ANKRD12: variants seen among roughly 807,000 people sequenced by gnomAD.
ANKRD12 encodes the protein ankyrin repeat domain-containing protein 12.
A neutral mutation model predicts 183.4 loss-of-function variants in ANKRD12; 85 were observed. The observed-to-expected ratio is 0.46, with a 90% CI of 0.39 to 0.56. The LOEUF is 0.56. Ranked by LOEUF, ANKRD12 falls within the 20% of genes least tolerant of loss-of-function variation. ANKRD12 has a pLI of 0.00. For missense variants in ANKRD12, 2,405 were observed against 2,357.1 expected (o/e 1.02, Z -0.42); for synonymous variants, 914 against 800.2 (o/e 1.14, Z -2.40).
At chr18:9,219,058 CTG>C (rs1299613850) in intron 7 of ANKRD12, among the ~76,000 whole-genome samples, 1 of 152,118 alleles carries the variant, frequency 6.6e-6, no homozygotes, top group Non-Finnish European at 1.5e-5. Context: ...AATTTATTGA[CTG>C]TTATGTTTTA....
chr18:9,234,410 A>G (rs927610969), intron 8 of ANKRD12, among the ~76,000 whole-genome samples: 2 of 152,118 alleles, frequency 1.3e-5, no homozygotes, highest in Non-Finnish European at 2.9e-5. Context: ...GTCACTTTTC[A>G]CAGCTGTATG....
rs775877613 is a variant in ANKRD12, at chr18:9,262,786, C to CTTTTTTTTTTTTTTTTTTTTTTTT, written c.5665-1004_5665-1003insTTTTTTTTTTTTTTTTTTTTTTTT. Among the ~76,000 whole-genome samples the CTTTTTTTTTTTTTTTTTTTTTTTT allele has an allele frequency of 1.6e-4, 14 of 87,932 alleles. 6 individuals are homozygous for CTTTTTTTTTTTTTTTTTTTTTTTT. The highest frequency in any genetic ancestry group is 6.8e-4 in the Admixed American group (5 of 7,336). 57.7% of individuals were successfully genotyped at this position (87,932 alleles called of 152,430 possible). A position where few individuals can be genotyped will look rare whatever the true frequency, so the allele number is the denominator to read the frequency against. On this transcript the variant is annotated intron_variant, in intron 9 of 12. Coordinates refer to ENST00000262126, the MANE Select transcript of ANKRD12 (RefSeq NM_015208.5). Reference sequence around the variant, plus strand: ...AGCCACCATGCCCAGCCAAGATGTCCCTTTTTTTTTTTTTTTTTTTTTTTT... The same window carrying CTTTTTTTTTTTTTTTTTTTTTTTT: ...AGCCACCATGCCCAGCCAAGATGTCCTTTTTTTTTTTTTTTTTTTTTTTTCTTTTTTTTTTTTTTTTTTTTTTTT...
intron 2 of ANKRD12, among the ~76,000 whole-genome samples, chr18:9,189,399 C>T (rs1018796819): frequency 1.3e-5 from 2 of 152,190 alleles, no homozygotes; most frequent in Non-Finnish European, 2.9e-5. Flanking sequence ...GAAGCTACAG[C>T]AAGTTATCCA....
At chr18:9,196,108 A>AAC (rs36156556) in intron 3 of ANKRD12, among the ~76,000 whole-genome samples, 1,767 of 64,150 alleles carry the variant, frequency 0.028, 38 homozygotes, top group East Asian at 0.061. Flanking sequence ...GAAACATGCA[A>AAC]ACACACACAC....
chr18:9,210,578 C>T (rs1024251882), intron 5 of ANKRD12, among the ~76,000 whole-genome samples: 4 of 151,652 alleles, frequency 2.6e-5, no homozygotes, highest in African/African-American at 7.3e-5. Flanking sequence ...AAAAATCAGC[C>T]GGGCATGGTG....
intron 10 of ANKRD12, among the ~76,000 whole-genome samples, chr18:9,264,181 C>T (rs2039146135): frequency 6.6e-6 from 1 of 152,184 alleles, no homozygotes; most frequent in Non-Finnish European, 1.5e-5. Context: ...GAACATTTGG[C>T]TTTCCAAGTT....
intron 8 of ANKRD12, among the ~76,000 whole-genome samples, chr18:9,241,063 G>C (rs879584902): frequency 1.3e-5 from 2 of 152,110 alleles, no homozygotes; most frequent in African/African-American, 4.8e-5. Flanking sequence ...AAGTCAAAAT[G>C]TACCAGAATT....
intron 3 of ANKRD12, among the ~76,000 whole-genome samples, chr18:9,197,586 C>T (rs928292895): frequency 1.6e-4 from 25 of 151,952 alleles, no homozygotes; most frequent in African/African-American, 5.6e-4. Flanking sequence ...TTGTGTGTTA[C>T]GTTATTTTTT....
chr18:9,255,949 T>A lies in ANKRD12; in HGVS notation c.2682T>A (p.Ile894=), dbSNP rs766096298. 1 of 1,577,350 alleles carries A rather than the reference T, an allele frequency of 6.3e-7. No individual in the cohort carries two copies. Among genetic ancestry groups the A allele is most frequent in the South Asian group, 1.2e-5 (1 of 83,224 alleles). The part of the protein sequence containing the change: ...EGEKSKNTAA[I]KKTDDREKSR... ...AGAAGAGCAAAAATACTGCTGCTAT[T>A]AAAAAAACTGACGACAGAGAGAAAA... Residue 894 remains isoleucine, a synonymous_variant, in exon 9 of 13, where the codon ATT becomes ATA. Coordinates refer to ENST00000262126, the MANE Select transcript of ANKRD12 (RefSeq NM_015208.5).
At chr18:9,271,794 A>T (rs1376202750) in intron 10 of ANKRD12, among the ~76,000 whole-genome samples, 2 of 152,244 alleles carry the variant, frequency 1.3e-5, no homozygotes, top group African/African-American at 4.8e-5. Context: ...TGTGGTTTGT[A>T]GACATATTCA....
At chr18:9,142,048 C>A (rs1008855386) in intron 1 of ANKRD12, among the ~76,000 whole-genome samples, 2 of 152,120 alleles carry the variant, frequency 1.3e-5, no homozygotes, top group Admixed American at 6.5e-5. Context: ...AGGTCTTAGC[C>A]ACCTTACCTT....
chr18:9,255,650 G>T lies in ANKRD12; in HGVS notation c.2383G>T (p.Glu795Ter). 6.3e-7 allele frequency: 1 copy of T among 1,577,766 alleles called. No individual in the cohort carries two copies. Among genetic ancestry groups the T allele is most frequent in the South Asian group, 1.2e-5 (1 of 82,822 alleles). The change falls in exon 9 of 13, where the codon GAA becomes TAA. Residue 795 changes from glutamate to a stop codon, truncating the protein, a stop_gained. Transcript: ENST00000262126. LOFTEE classifies it high-confidence loss of function. ...FTSLGMSAIE[E>*]SIGLHLVEKE... ...TTCTTTGGGTATGAGTGCCATTGAGGAATCTATAGGGCTTCATTTAGTGGA... is the reference window on the plus strand; with the variant it reads ...TTCTTTGGGTATGAGTGCCATTGAGTAATCTATAGGGCTTCATTTAGTGGA...
At chr18:9,270,083 G>A (rs1375143221) in intron 10 of ANKRD12, among the ~76,000 whole-genome samples, 2 of 152,214 alleles carry the variant, frequency 1.3e-5, no homozygotes, top group Admixed American at 1.3e-4. Flanking sequence ...ACACCAGTTA[G>A]AATGGCGATC....
At position 9,254,646 on chromosome 18, in the gene ANKRD12, A is replaced by G. The variant is rs372227176; in HGVS notation, c.1379A>G (p.Tyr460Cys). The G allele has an allele frequency of 3.2e-6, 5 of 1,572,280 alleles. No individual in the cohort carries two copies. Among genetic ancestry groups the G allele is most frequent in the Admixed American group, 1.9e-5 (1 of 52,070 alleles). ...SNSDMQTKKE[Y>C]VVSGEHKQKG... The stretch of plus-strand genomic sequence containing the variant: ...TCTGATATGCAAACCAAAAAGGAAT[A>G]TGTAGTTTCAGGTGAACACAAACAG... Residue 460 changes from tyrosine (Y) to cysteine (C), a missense_variant, in exon 9 of 13, where the codon TAT becomes TGT. Physicochemically the swap from Tyr to Cys is radical, Grantham distance 194. Transcript: ENST00000262126.
At chr18:9,162,359 G>A (rs1366853701) in intron 1 of ANKRD12, among the ~76,000 whole-genome samples, 1 of 152,112 alleles carries the variant, frequency 6.6e-6, no homozygotes, top group African/African-American at 2.4e-5. Flanking sequence ...CTCCATCCAT[G>A]TCTCTGCAAA....
chr18:9,221,912 C>T lies in ANKRD12; in HGVS notation c.856C>T (p.Arg286Cys), dbSNP rs2036442531. 1 of 1,613,750 alleles carries T rather than the reference C, an allele frequency of 6.2e-7. No individual in the cohort carries two copies. The highest frequency in any genetic ancestry group is 8.5e-7 in the Non-Finnish European group (1 of 1,179,836). Residue 286 changes from arginine to cysteine, a missense_variant, in exon 8 of 13, where the codon CGT (arginine) becomes TGT (cysteine). Physicochemically the swap from Arg to Cys is radical, Grantham distance 180 (BLOSUM62 -3). Transcript: ENST00000262126. ...NPFQANKHGE[R>C]PVDVAETEEL... Reference sequence around the variant, plus strand: ...ATTTCAAGCTAATAAACATGGGGAGCGTCCAGTGGATGTAGCAGAAACAGA... The same window carrying T: ...ATTTCAAGCTAATAAACATGGGGAGTGTCCAGTGGATGTAGCAGAAACAGA...
intron 8 of ANKRD12, among the ~76,000 whole-genome samples, chr18:9,247,313 C>CAA (rs1401593209): frequency 2.8e-4 from 33 of 118,512 alleles, no homozygotes; most frequent in African/African-American, 6.8e-4. Context: ...TCATCTCTAC[C>CAA]AAAAAAAAAA....
chr18:9,198,297 G>A (rs1365236797), intron 3 of ANKRD12, among the ~76,000 whole-genome samples: 2 of 151,846 alleles, frequency 1.3e-5, no homozygotes, highest in Admixed American at 1.3e-4. Flanking sequence ...AAATACAAGT[G>A]GTTCAGAACA....
At chr18:9,270,352 T>C (rs1466777501) in intron 10 of ANKRD12, among the ~76,000 whole-genome samples, 1 of 152,102 alleles carries the variant, frequency 6.6e-6, no homozygotes, top group Non-Finnish European at 1.5e-5. Flanking sequence ...AGCAAAGACT[T>C]AGAACCAACC....
Sources: allele counts gnomAD v4.1 joint callset (sites outside exome capture counted in the v4.1 genomes callset), GRCh38; gene constraint gnomAD v4.1.1; transcripts MANE v1.5; gene names NCBI Gene and HGNC (gene_info 2026-07-23, HGNC 2026-07-21).